DMBT1: variants seen among roughly 807,000 people sequenced by gnomAD.
DMBT1 encodes the protein deleted in malignant brain tumors 1.
In DMBT1, 198 loss-of-function variants were observed where a neutral mutation model predicts 252.9. The observed-to-expected ratio is 0.78, with a 90% CI of 0.70 to 0.88. The LOEUF (loss-of-function observed/expected upper bound fraction) is 0.88. Ranked by LOEUF, DMBT1 falls within the 40% of genes least tolerant of loss-of-function variation. DMBT1 has a pLI of 0.00. For missense variants in DMBT1, 2,432 were observed against 2,404.7 expected (o/e 1.01, Z -0.24); for synonymous variants, 990 against 942.7 (o/e 1.05, Z -0.92).
At chr10:122,580,098 AAAAC>A (rs1565649815) in intron 10 of DMBT1, among the ~76,000 whole-genome samples, 197 bp downstream of exon 10, 2 of 152,332 alleles carry the variant, frequency 1.3e-5, no homozygotes, top group East Asian at 3.9e-4. Context: ...GGATCAAACT[AAAAC>A]AACCCAGAGT....
intron 47 of DMBT1, 111 bp from the exon 48 acceptor site, chr10:122,630,177 C>A: frequency 7.4e-7 from 1 of 1,357,960 alleles, no homozygotes. Flanking sequence ...TGAGGAAGAG[C>A]TAGAAGAAAA....
chr10:122,625,307 A>G lies in DMBT1; in HGVS notation c.5635+4A>G, dbSNP rs375016450. 1.4e-5 allele frequency: 23 copies of G among 1,610,070 alleles called. No homozygotes were observed. The highest frequency in any genetic ancestry group is 1.8e-5 in the Non-Finnish European group (21 of 1,177,958). On this transcript the variant is annotated splice_donor_region_variant and intron_variant, in intron 45 of 55. Transcript: ENST00000338354. ...CAAATAAATTCTACTACGACAGGTGAGTCTGCTACACCCCAGTCCAGCAAT... is the reference window on the plus strand; with the variant it reads ...CAAATAAATTCTACTACGACAGGTGGGTCTGCTACACCCCAGTCCAGCAAT...
Position 122,586,357 on chromosome 10 carries a change from G to C in DMBT1, c.1757G>C (p.Ser586Thr). The C allele has an allele frequency of 6.3e-7, 1 of 1,588,642 alleles. No homozygotes were observed. Among genetic ancestry groups the C allele is most frequent in the Non-Finnish European group, 8.6e-7 (1 of 1,165,814 alleles). Residue 586 changes from serine (S) to threonine (T), a missense_variant, in exon 16 of 56, where the codon AGT (serine) becomes ACT (threonine). Physicochemically the swap from Ser to Thr is moderately conservative, Grantham distance 58 (BLOSUM62 1). Transcript: ENST00000338354. ...TGGCTCTCCCATAACTGTGGCCATA[G>C]TGAAGACGCTGGTGTCATCTGCTCA... ...NGWLSHNCGH[S>T]EDAGVICSGP...
chr10:122,565,355 A>G (rs527346604), intron 1 of DMBT1, among the ~76,000 whole-genome samples: 5 of 152,288 alleles, frequency 3.3e-5, no homozygotes, highest in Non-Finnish European at 7.4e-5. Flanking sequence ...TCTTTGAAAG[A>G]CCTCTAAAAT....
intron 46 of DMBT1, among the ~76,000 whole-genome samples, chr10:122,627,052 TC>T (rs1270066393): frequency 6.6e-6 from 1 of 152,156 alleles, no homozygotes; most frequent in African/African-American, 2.4e-5. Flanking sequence ...GGGTTAAGAC[TC>T]CCATCTTTAT....
chr10:122,598,978 C>G lies in DMBT1; in HGVS notation c.3161C>G (p.Pro1054Arg), dbSNP rs190124750. ...GCCCGGTTTGGTCAGGGCTCAGGAC[C>G]CATTGTCCTGGATGATGTGCGCTGC... ...GNARFGQGSG[P>R]IVLDDVRCSG... The change falls in exon 26 of 56, where the codon CCC (proline) becomes CGC (arginine). Residue 1054 changes from proline (P) to arginine (R), a missense_variant. Around this residue, in one of 3 missense-constraint regions of DMBT1, gnomAD observed 1,264 missense variants for 1,082.2 expected, o/e 1.17. Transcript: ENST00000338354. 3.7e-6 allele frequency: 6 copies of G among 1,613,760 alleles called. No individual in the cohort carries two copies. The highest frequency in any genetic ancestry group is 5.1e-6 in the Non-Finnish European group (6 of 1,179,732).
chr10:122,573,894 A>G (rs1302794786), intron 6 of DMBT1, 132 bp downstream of exon 6: 6 of 1,134,346 alleles, frequency 5.3e-6, no homozygotes, highest in Non-Finnish European at 7.9e-6. Context: ...CCTTCCACAA[A>G]AGGCCTCAGG....
chr10:122,631,246 G>A lies in DMBT1; in HGVS notation c.6311G>A (p.Cys2104Tyr). 6.2e-7 allele frequency: 1 copy of A among 1,614,030 alleles called. No individual in the cohort carries two copies. ...AACCGAGGCTGGTTCTCCCACAACT[G>A]TAATCATCGTGAAGATGCTGGTGTC... ...CRNRGWFSHN[C>Y]NHREDAGVIC... The change falls in exon 49 of 56, where the codon TGT becomes TAT. Residue 2104 changes from cysteine to tyrosine, a missense_variant. Cys to Tyr is a radical substitution (Grantham distance 194). Coordinates refer to ENST00000338354, the MANE Select transcript of DMBT1 (RefSeq NM_001377530.1).
chr10:122,584,939 A>T (rs1332263995), intron 14 of DMBT1, among the ~76,000 whole-genome samples: 1 of 149,072 alleles, frequency 6.7e-6, no homozygotes, highest in Non-Finnish European at 1.5e-5. Context: ...TGGTTTCCCT[A>T]ACGTTTTAGC....
At position 122,589,135 on chromosome 10, in the gene DMBT1, C is replaced by A. The variant is rs2097823593; in HGVS notation, c.1975C>A (p.Gln659Lys). 1 of 1,588,354 alleles carries A rather than the reference C, an allele frequency of 6.3e-7. No individual in the cohort carries two copies. The highest frequency in any genetic ancestry group is 1.7e-5 in the Admixed American group (1 of 59,540). ...TSAPGNARFG[Q>K]GSGPIVLDDV... Reference sequence around the variant, plus strand: ...AGCCCCAGGAAATGCCCGGTTTGGTCAGGGCTCAGGACCCATTGTCCTGGA... The same window carrying A: ...AGCCCCAGGAAATGCCCGGTTTGGTAAGGGCTCAGGACCCATTGTCCTGGA... Residue 659 changes from glutamine to lysine, a missense_variant, in exon 17 of 56, where the codon CAG (glutamine) becomes AAG (lysine). Physicochemically the swap from Gln to Lys is moderately conservative, Grantham distance 53. Transcript: ENST00000338354.
chr10:122,592,506 G>A lies in DMBT1; in HGVS notation c.2411G>A (p.Gly804Glu), dbSNP rs963526763. ...GTTCTGGATGATGTGCGCTGCTCAG[G>A]ACACGAGTCCTACCTGTGGAGCTGC... Reference protein sequence around the residue: ...PIVLDDVRCSGHESYLWSCPH... With the variant: ...PIVLDDVRCSEHESYLWSCPH... Residue 804 changes from glycine (G) to glutamate (E), a missense_variant, in exon 20 of 56, where the codon GGA becomes GAA. Transcript: ENST00000338354. The A allele has an allele frequency of 6.3e-7, 1 of 1,588,176 alleles. No homozygotes were observed. The highest frequency in any genetic ancestry group is 8.6e-7 in the Non-Finnish European group (1 of 1,165,630).
Position 122,592,414 on chromosome 10 carries a change from G to A in DMBT1, c.2319G>A (p.Gln773=). Residue 773 remains glutamine (Q), a synonymous_variant, in exon 20 of 56, where the codon CAG becomes CAA. Transcript: ENST00000338354. ...ATGATGCCAATGTGGTCTGCAGGCA[G>A]CTGGGCTGTGGCTGGGCCACGTCGG... The part of the protein sequence containing the change: ...DTNDANVVCR[Q]LGCGWATSAP... 1.9e-6 allele frequency: 3 copies of A among 1,588,566 alleles called. No homozygotes were observed. Among genetic ancestry groups the A allele is most frequent in the Non-Finnish European group, 2.6e-6 (3 of 1,165,858 alleles).
chr10:122,564,137 A>G (rs2097570620), intron 1 of DMBT1, among the ~76,000 whole-genome samples: 1 of 152,226 alleles, frequency 6.6e-6, no homozygotes, highest in East Asian at 1.9e-4. Flanking sequence ...TAAGCCATCA[A>G]TATGAAGCAG....
chr10:122,620,338 G>C (rs149260379), intron 43 of DMBT1, 47 bp downstream of exon 43: 18 of 1,594,650 alleles, frequency 1.1e-5, no homozygotes, highest in Middle Eastern at 3.3e-4. Context: ...TCTACCTCTG[G>C]ACAAACGTTT....
intron 52 of DMBT1, among the ~76,000 whole-genome samples, chr10:122,633,563 T>C (rs2098184565): frequency 6.6e-6 from 1 of 152,192 alleles, no homozygotes; most frequent in South Asian, 2.1e-4. Context: ...ACGAGAGCCT[T>C]GGAGTGGACA....
chr10:122,632,273 C>A (rs1458438924), intron 50 of DMBT1, among the ~76,000 whole-genome samples: 1 of 152,022 alleles, frequency 6.6e-6, no homozygotes, highest in African/African-American at 2.4e-5. Context: ...GCCCCGCCCC[C>A]TGCTTGCTTT....
At chr10:122,599,183 C>T (rs771532323) in intron 26 of DMBT1, 86 bp downstream of exon 26, 22 of 1,598,684 alleles carry the variant, frequency 1.4e-5, no homozygotes, top group Admixed American at 1.7e-5. Context: ...TCTCCTCACT[C>T]AAAGCTTCTT....
intron 18 of DMBT1, among the ~76,000 whole-genome samples, chr10:122,590,922 A>G (rs2097844770): frequency 6.8e-6 from 1 of 147,934 alleles, no homozygotes; most frequent in African/African-American, 2.4e-5. Flanking sequence ...TGGGAAGGCA[A>G]TTTCAGCTAA....
At position 122,636,076 on chromosome 10, in the gene DMBT1, G is replaced by A; in HGVS notation, c.6634G>A (p.Gly2212Arg). 1 of 1,613,926 alleles carries A rather than the reference G, an allele frequency of 6.2e-7. No homozygotes were observed. The highest frequency in any genetic ancestry group is 2.2e-5 in the East Asian group (1 of 44,866). Residue 2212 changes from glycine (G) to arginine (R), a missense_variant, in exon 53 of 56, where the codon GGG becomes AGG. Transcript: ENST00000338354. ...CCCTCTCATTGCTCGAGTTTGTGAT[G>A]GGGCCAGAGGCTCCTTCACTTCTTC... ...SSPLIARVCDGARGSFTSSSN... is the reference protein window; with the variant it reads ...SSPLIARVCDRARGSFTSSSN...
Sources: allele counts gnomAD v4.1 joint callset (sites outside exome capture counted in the v4.1 genomes callset), GRCh38; gene constraint gnomAD v4.1.1; regional missense constraint gnomAD v4.1.1; transcripts MANE v1.5; gene names NCBI Gene and HGNC (gene_info 2026-07-23, HGNC 2026-07-21).